Variants in EPHA5 observed in about 807,000 individuals in gnomAD.
EPHA5 encodes ephrin type-A receptor 5.
In EPHA5, 60 loss-of-function variants were observed where a neutral mutation model predicts 105.0. That is an observed-to-expected ratio of 0.57 (90% confidence interval 0.46 to 0.71). The LOEUF (loss-of-function observed/expected upper bound fraction) is 0.71. Ranked by LOEUF, EPHA5 falls within the 30% of genes least tolerant of loss-of-function variation. The probability of loss-of-function intolerance (pLI) is 0.00; values close to 1 mark genes in which losing one functional copy is unlikely to be tolerated. For missense variants in EPHA5, 1,218 were observed against 1,274.7 expected (o/e 0.96, Z 0.68); for synonymous variants, 513 against 449.1 (o/e 1.14, Z -1.80).
intron 3 of EPHA5, among the ~76,000 whole-genome samples, chr4:65,508,902 A>G (rs1733330154): frequency 6.6e-6 from 1 of 152,152 alleles, no homozygotes; most frequent in South Asian, 2.1e-4. Flanking sequence ...ATAGTACAGG[A>G]AATATAGAGA....
At chr4:65,352,615 C>T (rs1577892804) in intron 12 of EPHA5, among the ~76,000 whole-genome samples, 3 of 152,012 alleles carry the variant, frequency 2.0e-5, no homozygotes, top group Admixed American at 1.3e-4. Context: ...TAGGCTCTAA[C>T]TTGACACCTT....
intron 3 of EPHA5, among the ~76,000 whole-genome samples, chr4:65,577,665 A>T (rs1387589657): frequency 6.6e-6 from 1 of 152,192 alleles, no homozygotes; most frequent in Non-Finnish European, 1.5e-5. Context: ...TTTGAAATAG[A>T]CTAGGTAACT....
At chr4:65,638,961 A>T (rs994819668) in intron 2 of EPHA5, among the ~76,000 whole-genome samples, 1 of 152,238 alleles carries the variant, frequency 6.6e-6, no homozygotes, top group African/African-American at 2.4e-5. Flanking sequence ...TCATACTTGA[A>T]TTTGAAATAA....
intron 8 of EPHA5, among the ~76,000 whole-genome samples, chr4:65,391,797 G>T (rs150622884): frequency 2.2e-4 from 33 of 152,206 alleles, no homozygotes; most frequent in African/African-American, 7.7e-4. Flanking sequence ...AGTGTATTTT[G>T]CTCTTGTGGT....
intron 16 of EPHA5, among the ~76,000 whole-genome samples, chr4:65,326,647 T>C (rs1346981662): frequency 2.6e-5 from 4 of 151,294 alleles, no homozygotes; most frequent in Non-Finnish European, 5.9e-5. Context: ...TGAAAATTTT[T>C]CCTAAACTGA....
At chr4:65,343,058 C>T (rs954670793) in intron 14 of EPHA5, among the ~76,000 whole-genome samples, 3 of 152,064 alleles carry the variant, frequency 2.0e-5, no homozygotes. Flanking sequence ...AAATATTGTG[C>T]AATCTATGTA....
At chr4:65,506,868 A>T (rs1425948991) in intron 3 of EPHA5, among the ~76,000 whole-genome samples, 2 of 151,856 alleles carry the variant, frequency 1.3e-5, no homozygotes, top group African/African-American at 4.8e-5. Context: ...GTTTAATTAG[A>T]TCCCATTTGT....
chr4:65,502,607 G>T (rs955432545), intron 3 of EPHA5, among the ~76,000 whole-genome samples: 1 of 151,894 alleles, frequency 6.6e-6, no homozygotes, highest in South Asian at 2.1e-4. Flanking sequence ...AACAGATGAT[G>T]GTGAGGCTGT....
intron 1 of EPHA5, among the ~76,000 whole-genome samples, chr4:65,649,484 A>G (rs1748405657): frequency 1.3e-5 from 2 of 152,176 alleles, no homozygotes; most frequent in South Asian, 4.1e-4. Context: ...TGACAAACCT[A>G]TATTTGGGTA....
chr4:65,650,280 G>T (rs1200697987), intron 1 of EPHA5, among the ~76,000 whole-genome samples: 1 of 151,872 alleles, frequency 6.6e-6, no homozygotes, highest in East Asian at 1.9e-4. Flanking sequence ...GGGCGCGGTG[G>T]CTCACGCCTG....
intron 8 of EPHA5, among the ~76,000 whole-genome samples, chr4:65,386,035 A>C (rs567619307): frequency 6.6e-6 from 1 of 152,010 alleles, no homozygotes; most frequent in Non-Finnish European, 1.5e-5. Context: ...AAGTCTTTGG[A>C]AAATATCAAT....
chr4:65,339,252 C>G (rs137903249), intron 14 of EPHA5, among the ~76,000 whole-genome samples: 85 of 152,164 alleles, frequency 5.6e-4, no homozygotes, highest in African/African-American at 2.0e-3. Context: ...GTGTATATAC[C>G]TGTTGTGGGT....
At chr4:65,533,281 A>C (rs1735994457) in intron 3 of EPHA5, among the ~76,000 whole-genome samples, 2 of 152,096 alleles carry the variant, frequency 1.3e-5, no homozygotes, top group South Asian at 4.1e-4. Context: ...CCATTTGAAA[A>C]ATTTTTGCCA....
chr4:65,332,158 G>C (rs1720686790), intron 15 of EPHA5, 30 bp from the exon 16 acceptor site: 2 of 1,506,650 alleles, frequency 1.3e-6, no homozygotes, highest in Non-Finnish European at 8.9e-7. Context: ...AATATTAAAA[G>C]TTACAATTTA....
At chr4:65,517,888 G>A (rs899522572) in intron 3 of EPHA5, among the ~76,000 whole-genome samples, 15 of 151,822 alleles carry the variant, frequency 9.9e-5, no homozygotes, top group African/African-American at 3.4e-4. Flanking sequence ...TTTATAAACA[G>A]CATTAAAGAT....
At chr4:65,622,333 A>G (rs1745775626) in intron 2 of EPHA5, among the ~76,000 whole-genome samples, 1 of 152,098 alleles carries the variant, frequency 6.6e-6, no homozygotes, top group Non-Finnish European at 1.5e-5. Context: ...GCTTTTCTTG[A>G]AAAACAGTTA....
intron 3 of EPHA5, among the ~76,000 whole-genome samples, chr4:65,536,154 TATACTTCCTATTAC>T (rs1736263366): frequency 6.6e-6 from 1 of 151,992 alleles, no homozygotes; most frequent in South Asian, 2.1e-4. Context: ...AGTAACATAA[TATACTTCCTATTAC>T]TTTGAATGGG....
chr4:65,389,786 T>C (rs544269193), intron 8 of EPHA5, among the ~76,000 whole-genome samples: 1 of 152,130 alleles, frequency 6.6e-6, no homozygotes, highest in African/African-American at 2.4e-5. Flanking sequence ...CATGGGACTA[T>C]TTGAATCTAT....
chr4:65,513,365 A>C (rs190944553), intron 3 of EPHA5, among the ~76,000 whole-genome samples: 2 of 152,054 alleles, frequency 1.3e-5, no homozygotes, highest in Middle Eastern at 3.4e-3. Context: ...GTATTTCAAA[A>C]GATTTGGGGT....
Sources: allele counts gnomAD v4.1 joint callset (sites outside exome capture counted in the v4.1 genomes callset), GRCh38; gene constraint gnomAD v4.1.1; transcripts MANE v1.5; gene names NCBI Gene and HGNC (gene_info 2026-07-23, HGNC 2026-07-21).